LIN28A: variants seen among roughly 807,000 people sequenced by gnomAD.
The protein encoded by LIN28A is protein lin-28 homolog A.
In LIN28A, 11 loss-of-function variants were observed where a neutral mutation model predicts 21.1. That is an observed-to-expected ratio of 0.52 (90% confidence interval 0.33 to 0.86). The LOEUF is 0.86. Among genes scored for constraint, LIN28A ranks in the 40% least tolerant of loss-of-function variants. LIN28A has a pLI of 0.03. For synonymous variants in LIN28A, 111 were observed against 108.7 expected (o/e 1.02, Z -0.13); for missense variants, 219 against 279.8 (o/e 0.78, Z 1.55).
intron 2 of LIN28A, among the ~76,000 whole-genome samples, chr1:26,412,842 G>T (rs1008225516): frequency 6.6e-6 from 1 of 152,062 alleles, no homozygotes; most frequent in Non-Finnish European, 1.5e-5. Flanking sequence ...GGAAATAGAC[G>T]CAGGGAGATG....
At chr1:26,412,264 C>G (rs2074965255) in intron 2 of LIN28A, among the ~76,000 whole-genome samples, 1 of 152,056 alleles carries the variant, frequency 6.6e-6, no homozygotes, top group Non-Finnish European at 1.5e-5. Flanking sequence ...AGGTCGCAAC[C>G]CCAAGTTCTC....
At chr1:26,421,265 T>C (rs747409944) in intron 2 of LIN28A, among the ~76,000 whole-genome samples, 4 of 152,356 alleles carry the variant, frequency 2.6e-5, no homozygotes, top group African/African-American at 9.6e-5. Context: ...TTATTTCAGG[T>C]ACCAAAATGT....
At chr1:26,421,529 G>C (rs769903940) in intron 2 of LIN28A, among the ~76,000 whole-genome samples, 2 of 152,094 alleles carry the variant, frequency 1.3e-5, no homozygotes, top group African/African-American at 2.4e-5. Flanking sequence ...TTACCAGTCT[G>C]ATTATCTGTC....
intron 2 of LIN28A, among the ~76,000 whole-genome samples, chr1:26,412,018 A>T (rs962436288): frequency 6.6e-6 from 1 of 152,234 alleles, no homozygotes; most frequent in Non-Finnish European, 1.5e-5. Flanking sequence ...GAGTGAGGGC[A>T]ACTGGCTACT....
Position 26,426,638 on chromosome 1 carries a change from C to G in LIN28A, c.*180C>G. On this transcript the variant is annotated 3_prime_UTR_variant, in exon 4 of 4. Coordinates refer to ENST00000326279, the MANE Select transcript of LIN28A (RefSeq NM_024674.6). ...GGGGAAAGGGTGAGTCAAAGGAACT[C>G]CAACCATGCTCTGTCCAAATGCAAG... 4 of 603,992 alleles carry G rather than the reference C, an allele frequency of 6.6e-6. No individual in the cohort carries two copies. The highest frequency in any genetic ancestry group is 1.2e-5 in the Non-Finnish European group (4 of 332,958). The allele number at this position is 603,992 out of a possible 1,614,324, so 37.4% of individuals were successfully genotyped here.
rs1048556079 is a variant in LIN28A at position 26,427,637 on chromosome 1, G to C, written c.*1179G>C. The C allele has an allele frequency of 6.6e-6, 1 of 152,266 alleles. No homozygotes were observed. The highest frequency in any genetic ancestry group is 2.4e-5 in the African/African-American group (1 of 41,458). The allele number at this position is 152,266 out of a possible 1,614,324, so 9.4% of individuals were successfully genotyped here. ...GCACAGGACGTGCTTTACATCTCCA[G>C]ATCTGTTCTTCACCAGATTAGGTTA... On this transcript the variant is annotated 3_prime_UTR_variant, in exon 4 of 4. Coordinates refer to ENST00000326279, the MANE Select transcript of LIN28A (RefSeq NM_024674.6).
At chr1:26,410,966 C>T (rs2074954359) in intron 1 of LIN28A, 44 bp downstream of exon 1, 1 of 1,586,992 alleles carries the variant, frequency 6.3e-7, no homozygotes, top group East Asian at 2.3e-5. Context: ...GATTCAGGGG[C>T]GGCCAGGAGC....
At chr1:26,420,234 G>A (rs1286027190) in intron 2 of LIN28A, among the ~76,000 whole-genome samples, 2 of 152,008 alleles carry the variant, frequency 1.3e-5, no homozygotes, top group African/African-American at 4.8e-5. Flanking sequence ...CAAATTGCTG[G>A]GATTACAGTT....
Position 26,425,619 on chromosome 1 carries a change from G to A in LIN28A, c.413+132G>A, listed in dbSNP as rs190652441. 215 of 806,936 alleles carry A rather than the reference G, an allele frequency of 2.7e-4. No individual in the cohort carries two copies. In the African/African-American group the frequency reaches 3.3e-3, roughly 12 times the overall value. 50.0% of individuals were successfully genotyped at this position (806,936 alleles called of 1,614,324 possible). A position where few individuals can be genotyped will look rare whatever the true frequency, so the allele number is the denominator to read the frequency against. On this transcript the variant is annotated intron_variant, in intron 3 of 3. Coordinates refer to ENST00000326279, the MANE Select transcript of LIN28A (RefSeq NM_024674.6). ...CCTGGCAGCATCTGGAAGGCTGAGC[G>A]CCTGCAATAGGTGTGGGCAAGGGCA...
rs552936503 is a variant in LIN28A at position 26,422,391 on chromosome 1, A to T, written c.229-2912A>T. 2.0e-5 allele frequency among the ~76,000 whole-genome samples: 3 copies of T among 150,930 alleles called. No homozygotes were observed. In the South Asian group the frequency reaches 6.3e-4, roughly 32 times the overall value. On this transcript the variant is annotated intron_variant, in intron 2 of 3. Transcript: ENST00000326279. ...ACTGGTACATTTATCTATATACCATATGCAAATTTTGTCAATTGTCCTATT... is the reference window on the plus strand; with the variant it reads ...ACTGGTACATTTATCTATATACCATTTGCAAATTTTGTCAATTGTCCTATT...
At chr1:26,420,482 C>T (rs1484476157) in intron 2 of LIN28A, among the ~76,000 whole-genome samples, 2 of 151,534 alleles carry the variant, frequency 1.3e-5, no homozygotes, top group Admixed American at 6.6e-5. Context: ...GGTGTGGTGG[C>T]GTGCGCCTGT....
chr1:26,412,349 G>A (rs570017517), intron 2 of LIN28A, among the ~76,000 whole-genome samples: 1 of 152,178 alleles, frequency 6.6e-6, no homozygotes, highest in South Asian at 2.1e-4. Flanking sequence ...GCTGGCCTCT[G>A]GTCCTATTCT....
At chr1:26,422,211 T>C (rs2124299391) in intron 2 of LIN28A, among the ~76,000 whole-genome samples, 1 of 152,004 alleles carries the variant, frequency 6.6e-6, no homozygotes, top group East Asian at 1.9e-4. Context: ...GTTTTTGCCA[T>C]ATTGCCCAAG....
chr1:26,412,699 T>A (rs1298712474), intron 2 of LIN28A, among the ~76,000 whole-genome samples: 1 of 150,636 alleles, frequency 6.6e-6, no homozygotes, highest in Admixed American at 6.6e-5. Flanking sequence ...GAAAGGAGGA[T>A]GTGGGGATTA....
At chr1:26,421,751 C>T in intron 2 of LIN28A, among the ~76,000 whole-genome samples, 1 of 152,000 alleles carries the variant, frequency 6.6e-6, no homozygotes, top group Non-Finnish European at 1.5e-5. Flanking sequence ...TCCTCTGATC[C>T]ATCTGCTTGG....
intron 3 of LIN28A, 27 bp from the exon 4 acceptor site, chr1:26,426,215 T>C (rs1420202134): frequency 6.3e-7 from 1 of 1,596,502 alleles, no homozygotes; most frequent in Non-Finnish European, 8.6e-7. Flanking sequence ...TCCTTTCTCT[T>C]ACTTTTACGA....
intron 2 of LIN28A, among the ~76,000 whole-genome samples, chr1:26,423,140 G>A (rs1028979751): frequency 5.9e-5 from 9 of 151,924 alleles, no homozygotes; most frequent in Non-Finnish European, 1.3e-4. Flanking sequence ...TCTGCCTCCC[G>A]GGTTCAAACA....
intron 2 of LIN28A, among the ~76,000 whole-genome samples, chr1:26,422,683 G>T (rs527723286): frequency 2.5e-4 from 38 of 152,222 alleles, no homozygotes; most frequent in African/African-American, 8.9e-4. Context: ...CTTGACTAGG[G>T]TATTATCTGC....
chr1:26,416,295 A>T (rs142661284), intron 2 of LIN28A, among the ~76,000 whole-genome samples: 1 of 152,220 alleles, frequency 6.6e-6, no homozygotes, highest in African/African-American at 2.4e-5. Context: ...GCCCGGCGAC[A>T]GTGTAAAGTA....
Sources: allele counts gnomAD v4.1 joint callset (sites outside exome capture counted in the v4.1 genomes callset), GRCh38; gene constraint gnomAD v4.1.1; transcripts MANE v1.5; gene names NCBI Gene and HGNC (gene_info 2026-07-23, HGNC 2026-07-21).